FAM117B: variants seen among roughly 807,000 people sequenced by gnomAD.
FAM117B encodes the protein family with sequence similarity 117 member B, also known as protein FAM117B.
A neutral mutation model predicts 52.8 loss-of-function variants in FAM117B; 22 were observed. That is an observed-to-expected ratio of 0.42 (90% CI 0.30 to 0.59). The LOEUF is 0.59. Among genes scored for constraint, FAM117B ranks in the 20% least tolerant of loss-of-function variants. FAM117B has a pLI of 0.22. For missense variants in FAM117B, 678 were observed against 802.6 expected (o/e 0.84, Z 1.88); for synonymous variants, 309 against 324.1 (o/e 0.95, Z 0.50).
chr2:202,696,142 A>G (rs1237124017), intron 2 of FAM117B, 110 bp downstream of exon 2: 1 of 1,172,746 alleles, frequency 8.5e-7, no homozygotes, highest in Admixed American at 3.1e-5. Context: ...ATTAGAATTA[A>G]CTTGAGAAAC....
At position 202,635,377 on chromosome 2, in the gene FAM117B, A is replaced by G. The variant is rs1479497064; in HGVS notation, c.190A>G (p.Asn64Asp). ...GCGGAGCGGCGGCGGCGGCGGCGGC[A>G]ACAACAACGGTGGCTGCTGTGGTGG... is the stretch of plus-strand genomic sequence containing the variant. ...PTRSGGGGGG[N>D]NNGGCCGGAS... is the part of the protein sequence containing the mutation. Residue 64 changes from asparagine to aspartate, a missense_variant, in exon 1 of 8, where the codon AAC becomes GAC. Coordinates refer to ENST00000392238, the MANE Select transcript of FAM117B (RefSeq NM_173511.4). The G allele has an allele frequency of 1.0e-5, 14 of 1,362,524 alleles. No individual in the cohort carries two copies. The highest frequency in any genetic ancestry group is 9.4e-7 in the Non-Finnish European group (1 of 1,060,672). 84.4% of individuals were successfully genotyped at this position (1,362,524 alleles called of 1,614,324 possible). A position where few individuals can be genotyped will look rare whatever the true frequency, so the allele number is the denominator to read the frequency against.
intron 1 of FAM117B, among the ~76,000 whole-genome samples, chr2:202,646,777 T>A (rs905540538): frequency 6.6e-6 from 1 of 152,160 alleles, no homozygotes; most frequent in Non-Finnish European, 1.5e-5. Context: ...TGCAAGTGAG[T>A]AGTGAAGTAA....
At chr2:202,681,603 C>T (rs917653669) in intron 1 of FAM117B, among the ~76,000 whole-genome samples, 2 of 152,094 alleles carry the variant, frequency 1.3e-5, no homozygotes, top group Non-Finnish European at 2.9e-5. Context: ...GTGTTTGCAT[C>T]GAATAGGAAA....
rs1008212067 is a variant in FAM117B, at chr2:202,647,798, A to G, written c.601+12010A>G. 4.6e-5 allele frequency among the ~76,000 whole-genome samples: 7 copies of G among 152,236 alleles called. 1 individual carries two copies. The stretch of plus-strand genomic sequence containing the variant: ...TCCCGTGTATTGTTCTAGTGAGTTT[A>G]TGTATTTTTATTCTGTTAGTATTAT... On this transcript the variant is annotated intron_variant, in intron 1 of 7. Transcript: ENST00000392238.
At chr2:202,753,584 A>G (rs1691756719) in intron 4 of FAM117B, among the ~76,000 whole-genome samples, 1 of 152,220 alleles carries the variant, frequency 6.6e-6, no homozygotes, top group Non-Finnish European at 1.5e-5. Context: ...GGCAACCTAC[A>G]GAATGGGAGA....
chr2:202,673,774 T>C, intron 1 of FAM117B, among the ~76,000 whole-genome samples: 1 of 152,164 alleles, frequency 6.6e-6, no homozygotes, highest in Non-Finnish European at 1.5e-5. Context: ...GATTTTACTT[T>C]ATTTCTTTAT....
At chr2:202,752,529 T>C (rs1691741405) in intron 4 of FAM117B, among the ~76,000 whole-genome samples, 1 of 152,096 alleles carries the variant, frequency 6.6e-6, no homozygotes, top group Non-Finnish European at 1.5e-5. Context: ...AAACTGATGG[T>C]CATTGATTAG....
At chr2:202,750,874 G>T (rs1691711277) in intron 4 of FAM117B, among the ~76,000 whole-genome samples, 1 of 152,212 alleles carries the variant, frequency 6.6e-6, no homozygotes, top group East Asian at 1.9e-4. Flanking sequence ...TTGGCTTTTG[G>T]TTGAATAAAC....
intron 2 of FAM117B, among the ~76,000 whole-genome samples, chr2:202,710,111 CT>C (rs1383462854): frequency 6.6e-6 from 1 of 152,096 alleles, no homozygotes; most frequent in East Asian, 1.9e-4. Context: ...TATTCGTGGT[CT>C]TTTGTAGTTT....
At position 202,676,831 on chromosome 2, in the gene FAM117B, C is replaced by T. The variant is rs184266874; in HGVS notation, c.602-19050C>T. 2.1e-3 allele frequency among the ~76,000 whole-genome samples: 315 copies of T among 152,210 alleles called. 3 individuals carry two copies. Among genetic ancestry groups the T allele is most frequent in the Admixed American group, 0.015 (229 of 15,296 alleles). On this transcript the variant is annotated intron_variant, in intron 1 of 7. Coordinates refer to ENST00000392238, the MANE Select transcript of FAM117B (RefSeq NM_173511.4). ...CTTAGGAGGTTGAAAGAATTTTGTC[C>T]GTCATGATACAGAAATTCCCTTGAA...
At chr2:202,748,465 A>C (rs529202489) in intron 4 of FAM117B, among the ~76,000 whole-genome samples, 2 of 152,304 alleles carry the variant, frequency 1.3e-5, no homozygotes, top group East Asian at 3.9e-4. Flanking sequence ...TGTACAGCAA[A>C]GGAAACAACA....
Position 202,759,102 on chromosome 2 carries a change from CATTA to C in FAM117B, c.1331-126_1331-123del. On this transcript the variant is annotated intron_variant, in intron 6 of 7. Transcript: ENST00000392238. ...TTTGTGTGTGCATTTATTTAACAAA[CATTA>C]ATTATCTCCTTGATTAATAAAGCAC... 3.2e-6 allele frequency: 3 copies of C among 926,248 alleles called. No homozygotes were observed. The South Asian group carries it at 5.4e-5, about 17-fold the overall frequency. 57.4% of individuals were successfully genotyped at this position (926,248 alleles called of 1,614,324 possible). A position where few individuals can be genotyped will look rare whatever the true frequency, so the allele number is the denominator to read the frequency against.
At chr2:202,666,638 T>C (rs1476304934) in intron 1 of FAM117B, among the ~76,000 whole-genome samples, 1 of 151,864 alleles carries the variant, frequency 6.6e-6, no homozygotes, top group African/African-American at 2.4e-5. Flanking sequence ...GGTTTTTGAC[T>C]ATTTTGAAAT....
At chr2:202,711,029 A>C (rs1213854193) in intron 2 of FAM117B, among the ~76,000 whole-genome samples, 1 of 152,166 alleles carries the variant, frequency 6.6e-6, no homozygotes, top group Non-Finnish European at 1.5e-5. Flanking sequence ...GGGAGTGCAG[A>C]TACCTTTTCA....
chr2:202,661,785 G>A (rs983937683), intron 1 of FAM117B, among the ~76,000 whole-genome samples: 7 of 152,036 alleles, frequency 4.6e-5, no homozygotes, highest in South Asian at 4.2e-4. Flanking sequence ...GCATGGTGGC[G>A]CGTGCCTGTA....
intron 5 of FAM117B, 71 bp downstream of exon 5, chr2:202,755,752 C>T (rs886122504): frequency 2.6e-5 from 37 of 1,448,282 alleles, no homozygotes; most frequent in Non-Finnish European, 3.4e-5. Flanking sequence ...TTTGGGTTTC[C>T]ATATTTACTT....
At chr2:202,701,477 T>C (rs1690794697) in intron 2 of FAM117B, among the ~76,000 whole-genome samples, 1 of 152,230 alleles carries the variant, frequency 6.6e-6, no homozygotes. Context: ...TCCAGTCTTA[T>C]TATTAAGAAA....
In FAM117B at chr2:202,759,215, A is replaced by G; in HGVS notation, c.1331-18A>G. 6.2e-7 allele frequency: 1 copy of G among 1,613,488 alleles called. No homozygotes were observed. Reference sequence around the variant, plus strand: ...GACTATACATTTATGTAGTAATCTAATGTGTCATTTCTTGCAGAGAATGGG... The same window carrying G: ...GACTATACATTTATGTAGTAATCTAGTGTGTCATTTCTTGCAGAGAATGGG... On this transcript the variant is annotated intron_variant, in intron 6 of 7. Coordinates refer to ENST00000392238, the MANE Select transcript of FAM117B (RefSeq NM_173511.4).
chr2:202,749,322 T>C (rs1214551213), intron 4 of FAM117B, among the ~76,000 whole-genome samples: 2 of 152,134 alleles, frequency 1.3e-5, no homozygotes, highest in Non-Finnish European at 2.9e-5. Context: ...TTGAAAACTA[T>C]TTGTTTAATA....
Sources: gnomAD v4.1 joint callset for allele counts (sites outside exome capture counted in the v4.1 genomes callset) on GRCh38, gnomAD v4.1.1 for gene constraint, MANE v1.5 for transcripts, NCBI Gene and HGNC (gene_info 2026-07-23, HGNC 2026-07-21) for gene names.